Variants in PLXDC2 observed in about 807,000 individuals in gnomAD.
PLXDC2 encodes the protein plexin domain containing 2.
In PLXDC2, 40 loss-of-function variants were observed where a neutral mutation model predicts 68.9. That is an observed-to-expected ratio of 0.58 (90% CI 0.45 to 0.76). The LOEUF is 0.76. Among genes scored for constraint, PLXDC2 ranks in the 30% least tolerant of loss-of-function variants. The pLI is 0.00. For synonymous variants in PLXDC2, 243 were observed against 234.2 expected (o/e 1.04, Z -0.34); for missense variants, 644 against 661.9 (o/e 0.97, Z 0.30).
At chr10:20,217,977 A>C (rs920262873) in intron 11 of PLXDC2, among the ~76,000 whole-genome samples, 2 of 152,186 alleles carry the variant, frequency 1.3e-5, no homozygotes, top group Non-Finnish European at 2.9e-5. Flanking sequence ...GATTCTGAAC[A>C]ATAAATAATT....
At chr10:20,090,899 C>T (rs1365230874) in intron 4 of PLXDC2, among the ~76,000 whole-genome samples, 3 of 152,126 alleles carry the variant, frequency 2.0e-5, no homozygotes, top group African/African-American at 4.8e-5. Flanking sequence ...CCCATTGGCA[C>T]AATTCTTATA....
intron 1 of PLXDC2, among the ~76,000 whole-genome samples, chr10:19,896,303 G>A (rs1838057336): frequency 6.6e-6 from 1 of 152,202 alleles, no homozygotes; most frequent in Non-Finnish European, 1.5e-5. Context: ...GCTCAGTCTG[G>A]CACCAGAGAG....
intron 6 of PLXDC2, among the ~76,000 whole-genome samples, chr10:20,160,627 C>T (rs1275609710): frequency 6.6e-6 from 1 of 152,000 alleles, no homozygotes; most frequent in East Asian, 1.9e-4. Context: ...CGTGAGGCTA[C>T]CCATTTTGGT....
chr10:19,894,793 A>G (rs547655333), intron 1 of PLXDC2, among the ~76,000 whole-genome samples: 12 of 152,318 alleles, frequency 7.9e-5, no homozygotes, highest in African/African-American at 2.6e-4. Context: ...GATGGAGAGG[A>G]TATGGAGAAA....
chr10:20,279,970 C>T lies in PLXDC2; in HGVS notation c.*151C>T. On this transcript the variant is annotated 3_prime_UTR_variant, in exon 14 of 14. Coordinates refer to ENST00000377252, the MANE Select transcript of PLXDC2 (RefSeq NM_032812.9). ...AGACAAGATTTCTGGACAAGCTCAG[C>T]CCAGGAAACAAAGGGTAAACAAAAA... The T allele has an allele frequency of 1.6e-6, 1 of 632,644 alleles. No individual in the cohort carries two copies. The highest frequency in any genetic ancestry group is 2.8e-6 in the Non-Finnish European group (1 of 361,126). 39.2% of individuals were successfully genotyped at this position (632,644 alleles called of 1,614,324 possible).
chr10:19,909,022 T>G lies in PLXDC2; in HGVS notation c.112+91831T>G, dbSNP rs139361723. 3.0e-3 allele frequency among the ~76,000 whole-genome samples: 450 copies of G among 152,330 alleles called. 4 individuals are homozygous for G. The highest frequency in any genetic ancestry group is 0.011 in the African/African-American group (440 of 41,582). On this transcript the variant is annotated intron_variant, in intron 1 of 13. Coordinates refer to ENST00000377252, the MANE Select transcript of PLXDC2 (RefSeq NM_032812.9). ...AACTTATACACTAGCAAAGTGGTCC[T>G]TATGACTGTTTCCTATGATGTGTGT...
intron 2 of PLXDC2, among the ~76,000 whole-genome samples, chr10:20,033,574 G>A (rs1461151837): frequency 6.6e-6 from 1 of 152,204 alleles, no homozygotes. Context: ...GGCAGAAGGC[G>A]AAGGAAGAGC....
chr10:20,089,859 A>G (rs1338281213), intron 4 of PLXDC2, among the ~76,000 whole-genome samples: 1 of 152,208 alleles, frequency 6.6e-6, no homozygotes, highest in Non-Finnish European at 1.5e-5. Flanking sequence ...AAATTCATAC[A>G]TTTTGTGATG....
chr10:20,200,334 G>A (rs762436013), intron 9 of PLXDC2, among the ~76,000 whole-genome samples: 5 of 151,892 alleles, frequency 3.3e-5, no homozygotes, highest in Non-Finnish European at 5.9e-5. Flanking sequence ...TTAACCTCAC[G>A]AGTAATATAA....
At chr10:20,191,153 C>A (rs1834759417) in intron 9 of PLXDC2, among the ~76,000 whole-genome samples, 1 of 151,886 alleles carries the variant, frequency 6.6e-6, no homozygotes, top group South Asian at 2.1e-4. Context: ...TTAGGCAAAA[C>A]AAAGGTAAAG....
intron 1 of PLXDC2, among the ~76,000 whole-genome samples, chr10:19,992,611 C>T (rs1003402922): frequency 2.0e-5 from 3 of 151,990 alleles, no homozygotes; most frequent in African/African-American, 7.3e-5. Context: ...TTTTAAATTC[C>T]TACTAGACAG....
chr10:19,828,736 T>C (rs1301899892), intron 1 of PLXDC2, among the ~76,000 whole-genome samples: 2 of 152,200 alleles, frequency 1.3e-5, no homozygotes, highest in African/African-American at 4.8e-5. Context: ...GAAGAGGTGT[T>C]TGAAAATAGG....
intron 13 of PLXDC2, among the ~76,000 whole-genome samples, chr10:20,251,502 G>T (rs1193076839): frequency 6.6e-6 from 1 of 152,010 alleles, no homozygotes; most frequent in Non-Finnish European, 1.5e-5. Context: ...GTTCAACATT[G>T]CTAGGCATAA....
intron 4 of PLXDC2, among the ~76,000 whole-genome samples, chr10:20,131,578 T>G (rs1235979738): frequency 6.6e-6 from 1 of 152,130 alleles, no homozygotes; most frequent in East Asian, 1.9e-4. Flanking sequence ...TTTTGTATTT[T>G]TAATAGAGAC....
At chr10:19,853,338 A>G (rs1350047760) in intron 1 of PLXDC2, among the ~76,000 whole-genome samples, 1 of 152,106 alleles carries the variant, frequency 6.6e-6, no homozygotes, top group Non-Finnish European at 1.5e-5. Context: ...ATGTGTTGTA[A>G]TTAGATTTTA....
At chr10:19,891,018 C>T (rs1317892442) in intron 1 of PLXDC2, among the ~76,000 whole-genome samples, 1 of 152,084 alleles carries the variant, frequency 6.6e-6, no homozygotes, top group Non-Finnish European at 1.5e-5. Context: ...GGTCTAACTT[C>T]TGACCTCATT....
intron 1 of PLXDC2, among the ~76,000 whole-genome samples, chr10:19,937,728 C>T (rs1360463567): frequency 6.6e-6 from 1 of 151,894 alleles, no homozygotes; most frequent in African/African-American, 2.4e-5. Flanking sequence ...TTTCTTGCCA[C>T]ACTCTGTGGC....
intron 2 of PLXDC2, among the ~76,000 whole-genome samples, chr10:20,005,119 A>C (rs1053900772): frequency 3.9e-5 from 6 of 152,204 alleles, no homozygotes; most frequent in African/African-American, 1.4e-4. Context: ...ATTCAAATGC[A>C]AGCTTTGCCA....
intron 1 of PLXDC2, among the ~76,000 whole-genome samples, chr10:19,857,545 A>G (rs559438179): frequency 5.9e-5 from 9 of 152,296 alleles, no homozygotes; most frequent in African/African-American, 1.9e-4. Context: ...TAGATGAACA[A>G]TTTTTCTAGT....
Sources: allele counts gnomAD v4.1 joint callset (sites outside exome capture counted in the v4.1 genomes callset), GRCh38; gene constraint gnomAD v4.1.1; transcripts MANE v1.5; gene names NCBI Gene and HGNC (gene_info 2026-07-23, HGNC 2026-07-21).